The following PAQR5 variants were observed in gnomAD, a reference collection of about 807,000 sequenced individuals.
PAQR5 encodes the protein membrane progestin receptor gamma.
PAQR5 carries 20 observed loss-of-function variants against 34.5 expected under a neutral mutation model. That is an observed-to-expected ratio of 0.58 (90% CI 0.41 to 0.84). The LOEUF is 0.84. Ranked by LOEUF, PAQR5 falls within the 40% of genes least tolerant of loss-of-function variation. PAQR5 has a pLI of 0.00. For missense variants in PAQR5, 378 were observed against 412.7 expected, an observed-to-expected ratio of 0.92 and a Z score of 0.73; for synonymous variants, 131 against 155.6, an observed-to-expected ratio of 0.84 and a Z score of 1.18.
At chr15:69,360,320 T>G (rs1224927413) in intron 3 of PAQR5, among the ~76,000 whole-genome samples, 189 bp downstream of exon 3, 1 of 152,246 alleles carries the variant, frequency 6.6e-6, no homozygotes, top group African/African-American at 2.4e-5. Context: ...AATGGAAGTA[T>G]TCCCAAAGTT....
chr15:69,372,022 G>A (rs1437102820), intron 3 of PAQR5, among the ~76,000 whole-genome samples: 1 of 152,138 alleles, frequency 6.6e-6, no homozygotes, highest in Non-Finnish European at 1.5e-5. Context: ...GGTCAAATTT[G>A]GTATGTGTTT....
At chr15:69,310,932 G>C (rs1174108699) in intron 1 of PAQR5, among the ~76,000 whole-genome samples, 1 of 150,676 alleles carries the variant, frequency 6.6e-6, no homozygotes, top group Non-Finnish European at 1.5e-5. Context: ...CCAGCTACTC[G>C]GGAGGCTGAG....
chr15:69,362,300 C>CA (rs1454624065), intron 3 of PAQR5, among the ~76,000 whole-genome samples: 3 of 152,174 alleles, frequency 2.0e-5, no homozygotes, highest in Non-Finnish European at 4.4e-5. Flanking sequence ...CCGTTTGCTT[C>CA]AAAATCTGCC....
chr15:69,389,734 GC>G lies in PAQR5; in HGVS notation c.467del (p.Ala156ValfsTer3), dbSNP rs1206125952. On this transcript the variant is annotated frameshift_variant, in exon 6 of 9. Coordinates refer to ENST00000395407, the MANE Select transcript of PAQR5 (RefSeq NM_017705.4). LOFTEE classifies it high-confidence loss of function. ...TTFHDYYVALAVLNTILSTGL... is the reference protein window; with the variant it reads ...TTFHDYYVALXVLNTILSTGL... ...TTTCCATGACTACTACGTGGCCCTG[GC>G]TGTACTGAACACCATCCTCAGCACA... is the stretch of plus-strand genomic sequence containing the variant. 13 of 1,614,082 alleles carry G rather than the reference GC, an allele frequency of 8.1e-6. No individual in the cohort carries two copies. The highest frequency in any genetic ancestry group is 1.0e-5 in the Non-Finnish European group (12 of 1,180,034).
At chr15:69,334,447 T>C (rs1324030983) in intron 1 of PAQR5, among the ~76,000 whole-genome samples, 1 of 152,210 alleles carries the variant, frequency 6.6e-6, no homozygotes, top group Non-Finnish European at 1.5e-5. Flanking sequence ...TCAAACTGTT[T>C]CTTTGACTTT....
intron 3 of PAQR5, among the ~76,000 whole-genome samples, chr15:69,370,851 A>G (rs1356572081): frequency 6.6e-6 from 1 of 152,224 alleles, no homozygotes; most frequent in African/African-American, 2.4e-5. Flanking sequence ...GGACAGAAAA[A>G]GTGAAACTCT....
intron 1 of PAQR5, among the ~76,000 whole-genome samples, chr15:69,308,318 T>C (rs1410362762): frequency 6.6e-6 from 1 of 152,224 alleles, no homozygotes; most frequent in Non-Finnish European, 1.5e-5. Context: ...GCTCAGAGAA[T>C]GGAATCTGGC....
intron 1 of PAQR5, among the ~76,000 whole-genome samples, chr15:69,302,890 C>T (rs2053636044): frequency 6.6e-6 from 1 of 152,196 alleles, no homozygotes; most frequent in Non-Finnish European, 1.5e-5. Flanking sequence ...GCTTTAGACC[C>T]AGAGTCTCTA....
At chr15:69,330,530 C>T (rs2054354584) in intron 1 of PAQR5, among the ~76,000 whole-genome samples, 1 of 152,118 alleles carries the variant, frequency 6.6e-6, no homozygotes, top group South Asian at 2.1e-4. Context: ...ACCCTGCACT[C>T]GGTGGATCAG....
At chr15:69,391,896 A>C (rs779444143) in intron 6 of PAQR5, 12 of 381,256 alleles carry the variant, frequency 3.1e-5, no homozygotes, top group Non-Finnish European at 5.2e-5. Context: ...GTCTCCACTA[A>C]AAATACGAAA....
chr15:69,383,022 C>A (rs2055955317), intron 4 of PAQR5: 1 of 151,718 alleles, frequency 6.6e-6, no homozygotes, highest in African/African-American at 2.4e-5. Context: ...GCTGGAGAAT[C>A]ACTAGGGGAT....
At chr15:69,356,570 G>A (rs1289828468) in intron 2 of PAQR5, among the ~76,000 whole-genome samples, 8 of 152,008 alleles carry the variant, frequency 5.3e-5, no homozygotes, top group South Asian at 2.1e-4. Context: ...TGCAACCATC[G>A]CCATCATCCA....
At chr15:69,331,024 G>A (rs2054366896) in intron 1 of PAQR5, among the ~76,000 whole-genome samples, 1 of 152,186 alleles carries the variant, frequency 6.6e-6, no homozygotes, top group African/African-American at 2.4e-5. Flanking sequence ...TACTGGTGGG[G>A]CACTGCCAAC....
intron 1 of PAQR5, among the ~76,000 whole-genome samples, chr15:69,307,057 CT>C (rs758602045): frequency 1.6e-4 from 24 of 151,538 alleles, no homozygotes; most frequent in Non-Finnish European, 2.9e-4. Context: ...GAATTTCCTT[CT>C]TTTTTAAGGC....
chr15:69,365,953 G>T (rs1366004111), intron 3 of PAQR5, among the ~76,000 whole-genome samples: 1 of 152,146 alleles, frequency 6.6e-6, no homozygotes, highest in Non-Finnish European at 1.5e-5. Context: ...GCCTAGTTGA[G>T]ACACAATTCA....
At chr15:69,340,894 A>AT (rs1325401950) in intron 2 of PAQR5, among the ~76,000 whole-genome samples, 3 of 152,100 alleles carry the variant, frequency 2.0e-5, no homozygotes, top group South Asian at 2.1e-4. Flanking sequence ...TATAATATGT[A>AT]TTTTTTTTCT....
intron 4 of PAQR5, 75 bp downstream of exon 4, chr15:69,380,085 G>A: frequency 6.7e-7 from 1 of 1,502,682 alleles, no homozygotes; most frequent in East Asian, 2.3e-5. Context: ...AACATGGCTA[G>A]TGTTGAGAGG....
At chr15:69,329,212 C>T (rs945548188) in intron 1 of PAQR5, among the ~76,000 whole-genome samples, 1 of 152,146 alleles carries the variant, frequency 6.6e-6, no homozygotes, top group African/African-American at 2.4e-5. Flanking sequence ...GTGACACACA[C>T]ACATATACAC....
chr15:69,328,546 G>A (rs556935425), intron 1 of PAQR5, among the ~76,000 whole-genome samples: 1 of 152,300 alleles, frequency 6.6e-6, no homozygotes, highest in South Asian at 2.1e-4. Flanking sequence ...GGCTGCCAGG[G>A]AAGTGGCCAG....
Sources: gnomAD v4.1 joint callset for allele counts (sites outside exome capture counted in the v4.1 genomes callset) on GRCh38, gnomAD v4.1.1 for gene constraint, MANE v1.5 for transcripts, NCBI Gene and HGNC (gene_info 2026-07-23, HGNC 2026-07-21) for gene names.